TNRC6A: variants seen among roughly 807,000 people sequenced by gnomAD.
TNRC6A encodes trinucleotide repeat containing adaptor 6A.
TNRC6A carries 44 observed loss-of-function variants against 221.2 expected under a neutral mutation model. The observed-to-expected ratio is 0.20, with a 90% CI of 0.16 to 0.26. TNRC6A has a LOEUF of 0.26. Ranked by LOEUF, TNRC6A falls within the 10% of genes least tolerant of loss-of-function variation. The pLI, the probability that TNRC6A is intolerant of heterozygous loss-of-function variation, is 1.00. For missense variants in TNRC6A, 2,199 were observed against 2,404.4 expected (o/e 0.91, Z 1.79); for synonymous variants, 847 against 838.5 (o/e 1.01, Z -0.18).
At chr16:24,762,765 G>A (rs1183757757) in intron 4 of TNRC6A, among the ~76,000 whole-genome samples, 1 of 152,210 alleles carries the variant, frequency 6.6e-6, no homozygotes, top group Non-Finnish European at 1.5e-5. Flanking sequence ...ACGAATGCCT[G>A]AGCCAGAATT....
intron 1 of TNRC6A, among the ~76,000 whole-genome samples, chr16:24,626,649 C>CTTTTTTTT (rs5816260): frequency 7.9e-6 from 1 of 126,934 alleles, no homozygotes; most frequent in Non-Finnish European, 1.7e-5. Flanking sequence ...GATACTATTT[C>CTTTTTTTT]TTTTTTTTTT....
chr16:24,701,333 G>A (rs1454379919), intron 2 of TNRC6A, among the ~76,000 whole-genome samples: 2 of 151,220 alleles, frequency 1.3e-5, no homozygotes, highest in African/African-American at 4.9e-5. Flanking sequence ...CTGAGTCTGA[G>A]TTCCCTCTCC....
intron 20 of TNRC6A, among the ~76,000 whole-genome samples, chr16:24,817,756 G>A (rs1340326994): frequency 1.3e-5 from 2 of 152,100 alleles, no homozygotes; most frequent in African/African-American, 4.8e-5. Context: ...TGCGTTAGAC[G>A]TGTAATTTAC....
Position 24,669,941 on chromosome 16 carries a change from C to CTTTTTTTTTTTTTTTTTTTTTT in TNRC6A, n.402+28938_402+28959dup, listed in dbSNP as rs535737725. 6.5e-3 allele frequency among the ~76,000 whole-genome samples: 177 copies of CTTTTTTTTTTTTTTTTTTTTTT among 27,188 alleles called. 67 individuals are homozygous for CTTTTTTTTTTTTTTTTTTTTTT. The highest frequency in any genetic ancestry group is 8.7e-3 in the Non-Finnish European group (131 of 15,102). 17.8% of individuals were successfully genotyped at this position (27,188 alleles called of 152,430 possible). ...TCGTTATGACCCTATGAGGCAGCTA[C>CTTTTTTTTTTTTTTTTTTTTTT]TTTTTTTTTTTTTTTTTTTTTTTTT... On this transcript the variant is annotated intron_variant and non_coding_transcript_variant, in intron 2 of 2. Coordinates refer to the TNRC6A transcript ENST00000566108.
At chr16:24,757,439 A>G (rs565251112) in intron 3 of TNRC6A, among the ~76,000 whole-genome samples, 3 of 152,338 alleles carry the variant, frequency 2.0e-5, no homozygotes, top group East Asian at 1.9e-4. Flanking sequence ...AGAAACAACA[A>G]CTGGTTATTC....
At chr16:24,619,050 G>A (rs899722356) in intron 1 of TNRC6A, among the ~76,000 whole-genome samples, 7 of 152,102 alleles carry the variant, frequency 4.6e-5, no homozygotes, top group Admixed American at 2.0e-4. Flanking sequence ...GTGAATTTTC[G>A]AAAGAATTTT....
At chr16:24,771,097 C>T (rs2057580703) in intron 4 of TNRC6A, among the ~76,000 whole-genome samples, 1 of 152,220 alleles carries the variant, frequency 6.6e-6, no homozygotes, top group South Asian at 2.1e-4. Flanking sequence ...AAATGTTAAA[C>T]AGTGCCATGC....
chr16:24,711,614 T>C (rs2056207316), intron 2 of TNRC6A, among the ~76,000 whole-genome samples: 1 of 152,150 alleles, frequency 6.6e-6, no homozygotes, highest in South Asian at 2.1e-4. Flanking sequence ...CTGGGTTCTT[T>C]CTCTCAGTAT....
Position 24,730,293 on chromosome 16 carries a change from C to G in TNRC6A, c.46C>G (p.Leu16Val). 1 of 1,602,372 alleles carries G rather than the reference C, an allele frequency of 6.2e-7. No individual in the cohort carries two copies. The highest frequency in any genetic ancestry group is 8.5e-7 in the Non-Finnish European group (1 of 1,175,596). The change falls in exon 2 of 25, where the codon CTT (leucine) becomes GTT (valine). Residue 16 changes from leucine to valine, a missense_variant. Physicochemically the swap from Leu to Val is conservative, Grantham distance 32. Around this residue, in one of 8 missense-constraint regions of TNRC6A, gnomAD observed 1,405 missense variants for 1,400.2 expected, o/e 1.00. Coordinates refer to ENST00000395799, the MANE Select transcript of TNRC6A (RefSeq NM_014494.4). ...AGCTACCAAAGACGTAGAAAGAAATCTTAGCAGGTAAGATGGGCGAGCTTT... is the reference window on the plus strand; with the variant it reads ...AGCTACCAAAGACGTAGAAAGAAATGTTAGCAGGTAAGATGGGCGAGCTTT... Reference protein sequence around the residue: ...AKATKDVERNLSRDLVQEEEQ... With the variant: ...AKATKDVERNVSRDLVQEEEQ...
chr16:24,742,057 A>C (rs2056903618), intron 2 of TNRC6A, among the ~76,000 whole-genome samples: 1 of 152,108 alleles, frequency 6.6e-6, no homozygotes, highest in African/African-American at 2.4e-5. Context: ...GTTTGTCTCA[A>C]ACTCCTGGCC....
intron 1 of TNRC6A, among the ~76,000 whole-genome samples, chr16:24,625,695 C>T (rs1311451161): frequency 1.6e-5 from 2 of 128,924 alleles, no homozygotes; most frequent in Admixed American, 8.7e-5. Flanking sequence ...CACTGCAGTC[C>T]GCAGTCCGGC....
chr16:24,718,921 C>T (rs2056362405), intron 2 of TNRC6A, among the ~76,000 whole-genome samples: 1 of 151,448 alleles, frequency 6.6e-6, no homozygotes, highest in Admixed American at 6.6e-5. Context: ...TCTGTAATCC[C>T]AGCTACTCAA....
intron 4 of TNRC6A, 146 bp from the exon 5 acceptor site, chr16:24,776,787 G>A (rs564747925): frequency 1.2e-4 from 174 of 1,457,240 alleles, no homozygotes; most frequent in Non-Finnish European, 1.5e-4. Flanking sequence ...CAAAATTTGA[G>A]CCTGTAAATG....
intron 2 of TNRC6A, among the ~76,000 whole-genome samples, chr16:24,648,447 T>C (rs556358188): frequency 1.3e-5 from 2 of 151,958 alleles, no homozygotes; most frequent in South Asian, 2.1e-4. Context: ...ATTTTTTGTA[T>C]TTTTAGTAGA....
intron 3 of TNRC6A, among the ~76,000 whole-genome samples, chr16:24,752,819 C>G (rs1165719815): frequency 6.6e-6 from 1 of 151,964 alleles, no homozygotes; most frequent in African/African-American, 2.4e-5. Flanking sequence ...TCTGTTGGTC[C>G]CTGTGTCTAA....
Position 24,789,227 on chromosome 16 carries a change from C to G in TNRC6A, c.590-5C>G. The G allele has an allele frequency of 6.4e-7, 1 of 1,572,028 alleles. No homozygotes were observed. The highest frequency in any genetic ancestry group is 8.6e-7 in the Non-Finnish European group (1 of 1,160,960). ...ATAAATAGTTGTACTTCTCCTTTATCCTAGATATAAACCACAGTACTTCAG... is the reference window on the plus strand; with the variant it reads ...ATAAATAGTTGTACTTCTCCTTTATGCTAGATATAAACCACAGTACTTCAG... On this transcript the variant is annotated splice_polypyrimidine_tract_variant and splice_region_variant and intron_variant, in intron 5 of 24. Coordinates refer to ENST00000395799, the MANE Select transcript of TNRC6A (RefSeq NM_014494.4).
At chr16:24,784,326 GTTTA>G (rs918735138) in intron 5 of TNRC6A, among the ~76,000 whole-genome samples, 4 of 151,942 alleles carry the variant, frequency 2.6e-5, no homozygotes, top group Admixed American at 1.3e-4. Flanking sequence ...ATTTTTATTT[GTTTA>G]TTTATTCATT....
intron 1 of TNRC6A, among the ~76,000 whole-genome samples, chr16:24,630,038 T>C (rs1901252788): frequency 6.6e-6 from 1 of 152,174 alleles, no homozygotes; most frequent in Non-Finnish European, 1.5e-5. Context: ...CTACATAACT[T>C]TTCATAACTT....
At chr16:24,631,607 A>G (rs1368769393) in intron 1 of TNRC6A, among the ~76,000 whole-genome samples, 2 of 152,032 alleles carry the variant, frequency 1.3e-5, no homozygotes, top group African/African-American at 4.8e-5. Context: ...CTGCATCTCC[A>G]CTAAAAATGC....
Sources: gnomAD v4.1 joint callset for allele counts (sites outside exome capture counted in the v4.1 genomes callset) on GRCh38, gnomAD v4.1.1 for gene constraint, gnomAD v4.1.1 regional missense constraint, MANE v1.5 for transcripts, NCBI Gene and HGNC (gene_info 2026-07-23, HGNC 2026-07-21) for gene names.